DHRSX: variants seen among roughly 807,000 people sequenced by gnomAD.
DHRSX encodes the protein polyprenol dehydrogenase.
A neutral mutation model predicts 34.0 loss-of-function variants in DHRSX; 31 were observed. The ratio of observed to expected loss-of-function variants is 0.91; its 90% CI spans 0.69 to 1.23. The LOEUF is 1.23. Ranked by LOEUF, DHRSX falls within the 50% of genes most tolerant of loss-of-function variation. DHRSX has a pLI of 0.00. For synonymous variants in DHRSX, 201 were observed against 183.8 expected, an observed-to-expected ratio of 1.09 and a Z score of -0.76; for missense variants, 414 against 428.1, an observed-to-expected ratio of 0.97 and a Z score of 0.29.
intron 5 of DHRSX, among the ~76,000 whole-genome samples, chrX:2,259,828 C>A (rs762647912): frequency 6.6e-6 from 1 of 151,328 alleles, no homozygotes; most frequent in South Asian, 2.1e-4. Context: ...CCTCTTCTGT[C>A]TTTTAGAAGG....
intron 2 of DHRSX, among the ~76,000 whole-genome samples, chrX:2,415,559 T>C (rs2043682513): frequency 6.6e-6 from 1 of 151,070 alleles, no homozygotes; most frequent in Non-Finnish European, 1.5e-5. Flanking sequence ...TACAACTAGA[T>C]CTCATAAAGA....
chrX:2,258,927 AGAG>A (rs200504225), intron 5 of DHRSX, among the ~76,000 whole-genome samples: 3,211 of 152,284 alleles, frequency 0.021, 111 homozygotes, highest in African/African-American at 0.072. Flanking sequence ...GTGAAGCAAA[AGAG>A]GAGAACAGGA....
chrX:2,267,961 A>C (rs945557842), intron 4 of DHRSX, among the ~76,000 whole-genome samples: 1 of 152,144 alleles, frequency 6.6e-6, no homozygotes, highest in African/African-American at 2.4e-5. Context: ...ATTCTGGACA[A>C]GTATAGCTGC....
At chrX:2,460,923 T>G (rs1220110276) in intron 1 of DHRSX, among the ~76,000 whole-genome samples, 1 of 152,086 alleles carries the variant, frequency 6.6e-6, no homozygotes, top group East Asian at 1.9e-4. Flanking sequence ...TCTCGCTGTT[T>G]GCCCAGGCTG....
At position 2,429,381 on chromosome X, in the gene DHRSX, T is replaced by C. The variant is rs759163774; in HGVS notation, c.110-4077A>G. 9.9e-5 allele frequency among the ~76,000 whole-genome samples: 15 copies of C among 152,034 alleles called. No individual in the cohort carries two copies. In the South Asian group the frequency reaches 2.9e-3, roughly 29 times the overall value. Reference sequence around the variant, plus strand: ...GCCCCAATGCCAACTTCCTAGTCAATAAAGAAATCTCTAAAATCTTCCAGC... The same window carrying C: ...GCCCCAATGCCAACTTCCTAGTCAACAAAGAAATCTCTAAAATCTTCCAGC... On this transcript the variant is annotated intron_variant, in intron 1 of 6. Coordinates refer to ENST00000334651, the MANE Select transcript of DHRSX (RefSeq NM_145177.3).
intron 3 of DHRSX, among the ~76,000 whole-genome samples, chrX:2,328,483 A>G (rs946998925): frequency 6.6e-6 from 1 of 151,464 alleles, no homozygotes; most frequent in African/African-American, 2.4e-5. Context: ...GAGAGAATCA[A>G]TGTCTGTTGT....
At chrX:2,323,934 G>A (rs1190932459) in intron 3 of DHRSX, among the ~76,000 whole-genome samples, 4 of 151,006 alleles carry the variant, frequency 2.6e-5, no homozygotes, top group East Asian at 2.0e-4. Context: ...GTGCACACCT[G>A]TCATCCCAGC....
At chrX:2,240,398 A>C (rs2016113784) in intron 6 of DHRSX, among the ~76,000 whole-genome samples, 1 of 152,080 alleles carries the variant, frequency 6.6e-6, no homozygotes, top group Non-Finnish European at 1.5e-5. Flanking sequence ...AAGGGAAGTA[A>C]TTAATCCCCT....
At chrX:2,421,361 C>G (rs190307699) in intron 2 of DHRSX, among the ~76,000 whole-genome samples, 75 of 152,270 alleles carry the variant, frequency 4.9e-4, no homozygotes, top group Non-Finnish European at 4.0e-4. Flanking sequence ...GCCTGGGTGA[C>G]AGAGTGAGAC....
intron 1 of DHRSX, among the ~76,000 whole-genome samples, chrX:2,495,931 G>A (rs2124132683): frequency 6.6e-6 from 1 of 152,256 alleles, no homozygotes; most frequent in South Asian, 2.1e-4. Flanking sequence ...AGCAGAGGAA[G>A]GAGCCAGCCG....
intron 1 of DHRSX, among the ~76,000 whole-genome samples, chrX:2,493,595 C>A (rs2045212515): frequency 1.3e-5 from 2 of 150,478 alleles, no homozygotes; most frequent in South Asian, 4.2e-4. Flanking sequence ...GTACCAGTAA[C>A]AAAGGTTTAT....
chrX:2,431,304 G>A (rs1169330877), intron 1 of DHRSX, among the ~76,000 whole-genome samples: 7 of 141,220 alleles, frequency 5.0e-5, no homozygotes, highest in Admixed American at 2.2e-4. Context: ...CAGCCTGGGC[G>A]ACAGAGCTAG....
chrX:2,487,720 C>G, intron 1 of DHRSX: 1 of 152,236 alleles, frequency 6.6e-6, no homozygotes, highest in South Asian at 2.1e-4. Context: ...AAATACAACA[C>G]ATTCCACACT....
In DHRSX at chrX:2,224,162, GGGGCTC is replaced by G. The variant is rs2015582507; in HGVS notation, c.805-2939_805-2934del. ...TGCCATCATTGACACTGAGGATTCA[GGGGCTC>G]ATGCCCCAAATACCCGACCTGTGTC... On this transcript the variant is annotated intron_variant, in intron 6 of 6. Coordinates refer to ENST00000334651, the MANE Select transcript of DHRSX (RefSeq NM_145177.3). Among the ~76,000 whole-genome samples the G allele has an allele frequency of 3.9e-5, 6 of 152,340 alleles. No homozygotes were observed. In the East Asian group the frequency reaches 1.2e-3, roughly 29 times the overall value.
chrX:2,295,455 T>C (rs2041920892), intron 3 of DHRSX, among the ~76,000 whole-genome samples: 1 of 152,174 alleles, frequency 6.6e-6, no homozygotes, highest in Non-Finnish European at 1.5e-5. Context: ...GGGATAGCTT[T>C]AGGACAAATA....
chrX:2,391,389 G>A (rs1035443178), intron 3 of DHRSX, among the ~76,000 whole-genome samples: 17 of 152,106 alleles, frequency 1.1e-4, no homozygotes, highest in Non-Finnish European at 2.4e-4. Context: ...TGCCGGCAAC[G>A]TTGCACCACT....
In DHRSX at chrX:2,490,618, G is replaced by A. The variant is rs149780025; in HGVS notation, c.109+10199C>T. Reference sequence around the variant, plus strand: ...TCCACTGCAGGATGCATCCCTCGGCGTTGGTGTCGAAGCCGAAATACTTCC... The same window carrying A: ...TCCACTGCAGGATGCATCCCTCGGCATTGGTGTCGAAGCCGAAATACTTCC... On this transcript the variant is annotated intron_variant, in intron 1 of 6. Coordinates refer to ENST00000334651, the MANE Select transcript of DHRSX (RefSeq NM_145177.3). 5.7e-4 allele frequency: 921 copies of A among 1,613,980 alleles called. 3 individuals are homozygous for A. In the African/African-American group the frequency reaches 0.011, roughly 19 times the overall value.
intron 3 of DHRSX, among the ~76,000 whole-genome samples, chrX:2,367,615 T>C (rs894526265): frequency 2.6e-5 from 4 of 152,206 alleles, no homozygotes; most frequent in Admixed American, 2.6e-4. Flanking sequence ...TGTCTCCTAT[T>C]GACCTAAGTT....
intron 3 of DHRSX, among the ~76,000 whole-genome samples, chrX:2,382,626 A>C (rs866509674): frequency 1.2e-3 from 160 of 134,904 alleles, no homozygotes; most frequent in African/African-American, 5.2e-3. Context: ...CACCACCATC[A>C]TCACCATCAT....
Sources: allele counts gnomAD v4.1 joint callset (sites outside exome capture counted in the v4.1 genomes callset), GRCh38; gene constraint gnomAD v4.1.1; transcripts MANE v1.5; gene names NCBI Gene and HGNC (gene_info 2026-07-23, HGNC 2026-07-21).